UTS2: variants seen among roughly 807,000 people sequenced by gnomAD.
The protein encoded by UTS2 is urotensin-2.
UTS2 carries 10 observed loss-of-function variants against 12.6 expected under a neutral mutation model. The ratio of observed to expected loss-of-function variants is 0.80; its 90% CI spans 0.49 to 1.35. The LOEUF is 1.35. UTS2 is among the 40% of genes most tolerant of loss of function. UTS2 has a pLI of 0.00. For missense variants in UTS2, 142 were observed against 143.2 expected (o/e 0.99, Z 0.04); for synonymous variants, 52 against 50.0 (o/e 1.04, Z -0.17).
the UTS2 span, among the ~76,000 whole-genome samples, chr1:7,875,282 T>C: frequency 6.6e-6 from 1 of 152,110 alleles, no homozygotes; most frequent in South Asian, 2.1e-4. Context: ...CACCGTGTTA[T>C]CCAGGATGGT....
chr1:7,890,856 A>C, the UTS2 span, among the ~76,000 whole-genome samples: 13 of 151,804 alleles, frequency 8.6e-5, no homozygotes, highest in Admixed American at 3.3e-4. Flanking sequence ...AAAAAAAAAA[A>C]AAAAAACCTA....
At chr1:7,886,783 T>A in the UTS2 span, among the ~76,000 whole-genome samples, 2 of 152,078 alleles carry the variant, frequency 1.3e-5, no homozygotes, top group Non-Finnish European at 2.9e-5. Flanking sequence ...CCAGGCATGG[T>A]GGCTCACGCC....
At chr1:7,886,502 A>T in the UTS2 span, among the ~76,000 whole-genome samples, 1 of 152,184 alleles carries the variant, frequency 6.6e-6, no homozygotes, top group Middle Eastern at 3.2e-3. Context: ...ATTTTTCATT[A>T]AAAGGCAGCT....
At chr1:7,903,008 C>T in the UTS2 span, among the ~76,000 whole-genome samples, 2 of 122,802 alleles carry the variant, frequency 1.6e-5, no homozygotes, top group Non-Finnish European at 3.2e-5. Flanking sequence ...TCCCTCCTTC[C>T]CTCTTCCCCT....
At position 7,852,966 on chromosome 1, in the gene UTS2, C is replaced by T. The variant is rs1177962447; in HGVS notation, c.38G>A (p.Gly13Glu). The T allele has an allele frequency of 6.2e-7, 1 of 1,613,332 alleles. No individual in the cohort carries two copies. ...AAGAGATAAGAGAGGATTTAAGAAT[C>T]CTATGAAAAGCAAACAGCAGGAGGC... ...KLASCCLLFI[G>E]FLNPLLSLPL... is the part of the protein sequence containing the mutation. The change falls in exon 1 of 4, where the codon GGA becomes GAA. Residue 13 changes from glycine to glutamate, a missense_variant. By Grantham distance (98) the Gly-to-Glu change is moderately conservative. Transcript: ENST00000361696.
chr1:7,852,394 T>C (rs776851159), intron 1 of UTS2, among the ~76,000 whole-genome samples: 1 of 152,180 alleles, frequency 6.6e-6, no homozygotes, highest in Non-Finnish European at 1.5e-5. Flanking sequence ...TACTTGGAAG[T>C]CTATGAACTC....
the UTS2 span, among the ~76,000 whole-genome samples, chr1:7,912,537 T>A: frequency 2.0e-5 from 3 of 152,158 alleles, no homozygotes; most frequent in African/African-American, 7.2e-5. Context: ...CACTACAACC[T>A]CCACCTCCCA....
the UTS2 span, among the ~76,000 whole-genome samples, chr1:7,898,890 A>G: frequency 6.6e-6 from 1 of 152,228 alleles, no homozygotes; most frequent in South Asian, 2.1e-4. Context: ...GGGTTACTGT[A>G]TTAGTCCATT....
the UTS2 span, among the ~76,000 whole-genome samples, chr1:7,905,989 TGGGTGG>T: frequency 7.4e-6 from 1 of 135,236 alleles, no homozygotes; most frequent in Non-Finnish European, 1.6e-5. Context: ...AGCCAGTGGG[TGGGTGG>T]GGGTCGGGAA....
upstream of UTS2, among the ~76,000 whole-genome samples, chr1:7,854,648 A>G (rs187925691): frequency 7.2e-5 from 11 of 152,260 alleles, no homozygotes; most frequent in African/African-American, 2.6e-4. Context: ...CACAGGAAAA[A>G]AATTGAGACA....
the UTS2 span, among the ~76,000 whole-genome samples, chr1:7,874,622 G>A: frequency 6.6e-6 from 1 of 152,226 alleles, no homozygotes; most frequent in African/African-American, 2.4e-5. Context: ...GAGCCGCAGA[G>A]CTGCCCGCCT....
chr1:7,902,204 G>C, the UTS2 span, among the ~76,000 whole-genome samples: 1 of 119,716 alleles, frequency 8.4e-6, no homozygotes, highest in African/African-American at 3.1e-5. Flanking sequence ...CTGCCCCCGG[G>C]TGAGGGTTAT....
the UTS2 span, among the ~76,000 whole-genome samples, chr1:7,890,728 C>CCA: frequency 9.3e-6 from 1 of 107,344 alleles, no homozygotes; most frequent in East Asian, 2.9e-4. Flanking sequence ...CCCATCTCCA[C>CCA]AAAAAAAAAA....
chr1:7,911,512 G>A, the UTS2 span, among the ~76,000 whole-genome samples: 1 of 152,148 alleles, frequency 6.6e-6, no homozygotes, highest in Admixed American at 6.6e-5. Context: ...AGGACCCTCT[G>A]CTACGAAAAG....
chr1:7,866,742 G>T, the UTS2 span, among the ~76,000 whole-genome samples: 2 of 152,242 alleles, frequency 1.3e-5, no homozygotes, highest in African/African-American at 4.8e-5. This position sits in a 1 kb window ranked among gnomAD's most constrained non-coding sequence, Gnocchi z 4.5. Flanking sequence ...GCCAGTGCTG[G>T]TGCCACACTA....
the UTS2 span, among the ~76,000 whole-genome samples, chr1:7,880,796 A>G: frequency 6.6e-6 from 1 of 152,330 alleles, no homozygotes; most frequent in East Asian, 1.9e-4. Context: ...AACTCATTTC[A>G]CAAGGCCAGC....
At position 7,853,046 on chromosome 1, in the gene UTS2, A is replaced by G; in HGVS notation, c.-43T>C. ...CGGCTTCCTTCTTGGCTTCTGTTGT[A>G]GAGAACTTTCAACTGTCTCCTCATT... On this transcript the variant is annotated 5_prime_UTR_variant, in exon 1 of 4. Transcript: ENST00000361696. 1.3e-6 allele frequency: 2 copies of G among 1,591,952 alleles called. No individual in the cohort carries two copies. Among genetic ancestry groups the G allele is most frequent in the Non-Finnish European group, 1.7e-6 (2 of 1,172,394 alleles).
At chr1:7,855,047 G>A (rs1030342245), upstream of UTS2, among the ~76,000 whole-genome samples, 1 of 151,920 alleles carries the variant, frequency 6.6e-6, no homozygotes, top group African/African-American at 2.4e-5. Flanking sequence ...TGTAGTCCCA[G>A]CTACTTGGGA....
chr1:7,855,562 C>T (rs1056619093), upstream of UTS2, among the ~76,000 whole-genome samples: 4 of 151,884 alleles, frequency 2.6e-5, no homozygotes, highest in Non-Finnish European at 4.4e-5. Context: ...CCAGCCTGGG[C>T]AATATGACAA....
Sources: gnomAD v4.1 joint callset for allele counts (sites outside exome capture counted in the v4.1 genomes callset) on GRCh38, gnomAD v4.1.1 for gene constraint, Gnocchi (gnomAD v3.1) non-coding constraint, MANE v1.5 for transcripts, NCBI Gene and HGNC (gene_info 2026-07-23, HGNC 2026-07-21) for gene names.